MYO9A: variants seen among roughly 807,000 people sequenced by gnomAD.
MYO9A encodes unconventional myosin-IXa.
A neutral mutation model predicts 293.3 loss-of-function variants in MYO9A; 103 were observed. The ratio of observed to expected loss-of-function variants is 0.35; its 90% CI spans 0.30 to 0.41. The LOEUF is 0.41. Among genes scored for constraint, MYO9A ranks in the 10% least tolerant of loss-of-function variants. The probability of loss-of-function intolerance (pLI) is 1.00; values close to 1 mark genes in which losing one functional copy is unlikely to be tolerated. For missense variants in MYO9A, 2,685 were observed against 3,033.0 expected (o/e 0.89, Z 2.69); for synonymous variants, 1,001 against 1,035.7 (o/e 0.97, Z 0.64).
chr15:72,035,032 C>A (rs983865190), intron 2 of MYO9A, among the ~76,000 whole-genome samples: 2 of 152,160 alleles, frequency 1.3e-5, no homozygotes, highest in African/African-American at 4.8e-5. Context: ...CCAACTATTA[C>A]AGAAATTCCG....
intron 26 of MYO9A, chr15:71,892,347 C>A (rs774505925): frequency 6.6e-6 from 1 of 152,112 alleles, no homozygotes; most frequent in Non-Finnish European, 1.5e-5. Context: ...TTTTAAAATT[C>A]ATGTTTATTT....
At chr15:71,956,320 A>T (rs1447103935) in intron 14 of MYO9A, among the ~76,000 whole-genome samples, 245 of 17,480 alleles carry the variant, frequency 0.014, 3 homozygotes, top group Middle Eastern at 0.045. Flanking sequence ...TAAAAAAAAA[A>T]AAAAAAAAAA....
chr15:71,862,177 A>G (rs2056162519), intron 33 of MYO9A, among the ~76,000 whole-genome samples: 2 of 152,116 alleles, frequency 1.3e-5, no homozygotes, highest in Admixed American at 1.3e-4. Context: ...GGTGGCATTT[A>G]AACTGGGGGT....
At chr15:72,093,603 C>G (rs1444856674) in intron 1 of MYO9A, among the ~76,000 whole-genome samples, 1 of 151,228 alleles carries the variant, frequency 6.6e-6, no homozygotes, top group African/African-American at 2.4e-5. Flanking sequence ...AAAATCAAAT[C>G]AGGCCAGGCA....
In MYO9A at chr15:71,898,584, A is replaced by G. The variant is rs749805191; in HGVS notation, c.3919T>C (p.Ser1307Pro). The change falls in exon 25 of 42, where the codon TCT becomes CCT. Residue 1307 changes from serine to proline, a missense_variant. Around this residue, in one of 10 missense-constraint regions of MYO9A, gnomAD observed 1,434 missense variants for 1,497.7 expected, o/e 0.96. Coordinates refer to ENST00000356056, the MANE Select transcript of MYO9A (RefSeq NM_006901.4). ...GISPSEDRRW[S>P]TELVPEGLQS... ...AGGCCTTCAGGCACCAATTCTGTAG[A>G]CCATCTGCGATCCTCTGAAGGAGAA... is the stretch of plus-strand genomic sequence containing the variant. 2 of 1,614,088 alleles carry G rather than the reference A, an allele frequency of 1.2e-6. No individual in the cohort carries two copies. Among genetic ancestry groups the G allele is most frequent in the South Asian group, 2.2e-5 (2 of 91,076 alleles).
chr15:71,936,111 T>G (rs1284973419), intron 16 of MYO9A, among the ~76,000 whole-genome samples: 2 of 151,978 alleles, frequency 1.3e-5, no homozygotes, highest in African/African-American at 2.4e-5. Context: ...GGTATATACA[T>G]ACAATGGAAT....
intron 39 of MYO9A, among the ~76,000 whole-genome samples, chr15:71,838,731 T>C (rs1246675804): frequency 1.3e-5 from 2 of 152,216 alleles, no homozygotes; most frequent in African/African-American, 4.8e-5. Context: ...GGACTACCAC[T>C]ACCAAAGACA....
intron 4 of MYO9A, among the ~76,000 whole-genome samples, chr15:72,024,269 T>C (rs138918601): frequency 1.8e-3 from 271 of 152,308 alleles, no homozygotes; most frequent in African/African-American, 5.6e-3. Context: ...ATATAAAAGA[T>C]AGTATAAATT....
At chr15:72,025,233 C>T (rs999976191) in intron 4 of MYO9A, among the ~76,000 whole-genome samples, 1 of 152,032 alleles carries the variant, frequency 6.6e-6, no homozygotes, top group Non-Finnish European at 1.5e-5. Context: ...AAAATAAAGA[C>T]CAAACTTGTT....
intron 14 of MYO9A, 123 bp from the exon 15 acceptor site, chr15:71,952,019 T>C: frequency 3.8e-6 from 4 of 1,053,706 alleles, no homozygotes; most frequent in Non-Finnish European, 5.2e-6. Flanking sequence ...TAAAAATGTA[T>C]CAAATAATAG....
At chr15:71,998,860 A>C (rs2148638301) in intron 9 of MYO9A, among the ~76,000 whole-genome samples, 1 of 152,246 alleles carries the variant, frequency 6.6e-6, no homozygotes, top group East Asian at 1.9e-4. Context: ...TAGTTTACTG[A>C]GAATGATGAT....
intron 1 of MYO9A, among the ~76,000 whole-genome samples, chr15:72,066,561 A>C (rs1205975799): frequency 6.6e-6 from 1 of 152,168 alleles, no homozygotes; most frequent in African/African-American, 2.4e-5. Flanking sequence ...ATTTATATGA[A>C]GTTCACAAAC....
intron 19 of MYO9A, among the ~76,000 whole-genome samples, chr15:71,912,549 C>T (rs867943986): frequency 6.6e-6 from 1 of 152,234 alleles, no homozygotes; most frequent in Non-Finnish European, 1.5e-5. Flanking sequence ...AGCCACCAAG[C>T]CTGTCCAAGA....
Position 71,945,343 on chromosome 15 carries a change from G to A in MYO9A, c.2303-6416C>T, listed in dbSNP as rs1290044541. Among the ~76,000 whole-genome samples the A allele has an allele frequency of 3.9e-5, 6 of 152,198 alleles. No individual in the cohort carries two copies. In the South Asian group the frequency reaches 1.0e-3, roughly 26 times the overall value. ...GTCTCTCCAAGAGACAGTGATTTCAGAGAGGCCTAGCAAGTAAAGCAGTAC... is the reference window on the plus strand; with the variant it reads ...GTCTCTCCAAGAGACAGTGATTTCAAAGAGGCCTAGCAAGTAAAGCAGTAC... On this transcript the variant is annotated intron_variant, in intron 15 of 41. Transcript: ENST00000356056.
chr15:72,054,200 G>GT (rs937439052), intron 1 of MYO9A, among the ~76,000 whole-genome samples: 8 of 151,930 alleles, frequency 5.3e-5, no homozygotes, highest in Admixed American at 2.6e-4. Context: ...TCTCTTAAGG[G>GT]TTTTTTTTAG....
chr15:71,861,691 A>AAC (rs1596052852), intron 33 of MYO9A, among the ~76,000 whole-genome samples: 2 of 148,344 alleles, frequency 1.3e-5, no homozygotes, highest in African/African-American at 2.4e-5. Flanking sequence ...AAAAAAAAAA[A>AAC]AAAAAAAAAA....
At chr15:72,044,515 T>C (rs2078324998) in intron 2 of MYO9A, among the ~76,000 whole-genome samples, 1 of 152,194 alleles carries the variant, frequency 6.6e-6, no homozygotes, top group Non-Finnish European at 1.5e-5. Context: ...CTAAAAAATT[T>C]GTGTCCTACA....
intron 17 of MYO9A, 126 bp downstream of exon 17, chr15:71,935,215 A>T: frequency 9.9e-7 from 1 of 1,012,556 alleles, no homozygotes; most frequent in Non-Finnish European, 1.4e-6. Flanking sequence ...GTCTTGTTTC[A>T]GTCAAAATTC....
At chr15:71,886,930 C>T (rs891769526) in intron 27 of MYO9A, among the ~76,000 whole-genome samples, 3 of 151,806 alleles carry the variant, frequency 2.0e-5, no homozygotes, top group African/African-American at 7.3e-5. Context: ...CTACAGTCAG[C>T]GAAAAAGTGG....
Sources: gnomAD v4.1 joint callset for allele counts (sites outside exome capture counted in the v4.1 genomes callset) on GRCh38, gnomAD v4.1.1 for gene constraint, gnomAD v4.1.1 regional missense constraint, MANE v1.5 for transcripts, NCBI Gene and HGNC (gene_info 2026-07-23, HGNC 2026-07-21) for gene names.